OR6N1: variants seen among roughly 807,000 people sequenced by gnomAD.
OR6N1 encodes olfactory receptor family 6 subfamily N member 1.
For missense variants in OR6N1, 394 were observed against 371.7 expected, an observed-to-expected ratio of 1.06 and a Z score of -0.49; for synonymous variants, 170 against 150.7, an observed-to-expected ratio of 1.13 and a Z score of -0.94.
chr1:158,820,557 G>A, the OR6N1 span, among the ~76,000 whole-genome samples: 1 of 152,168 alleles, frequency 6.6e-6, no homozygotes, highest in Non-Finnish European at 1.5e-5. Flanking sequence ...ATTATTGTTA[G>A]CATCATAGTT....
the OR6N1 span, among the ~76,000 whole-genome samples, chr1:158,798,077 A>G: frequency 6.6e-6 from 1 of 152,130 alleles, no homozygotes; most frequent in South Asian, 2.1e-4. Context: ...TTATAACTTT[A>G]AACTTTGATG....
chr1:158,838,353 A>G, the OR6N1 span, among the ~76,000 whole-genome samples: 1 of 152,082 alleles, frequency 6.6e-6, no homozygotes, highest in Admixed American at 6.6e-5. Context: ...TTTCCCAGAT[A>G]TAGCATTTTT....
At chr1:158,767,168 A>G (rs1657297113) in intron 1 of OR6N1, among the ~76,000 whole-genome samples, 1 of 152,078 alleles carries the variant, frequency 6.6e-6, no homozygotes, top group African/African-American at 2.4e-5. Context: ...TTCTTCTTCA[A>G]CTTTCTGGCT....
chr1:158,827,054 G>T, the OR6N1 span, among the ~76,000 whole-genome samples: 13 of 152,286 alleles, frequency 8.5e-5, no homozygotes, highest in East Asian at 2.3e-3. Flanking sequence ...AATAGTTTCA[G>T]CCTCAGGCAA....
chr1:158,778,962 T>C, the OR6N1 span, among the ~76,000 whole-genome samples: 1 of 138,060 alleles, frequency 7.2e-6, no homozygotes, highest in Non-Finnish European at 1.5e-5. Context: ...GAGCTTGCAG[T>C]GAGCCGAGAT....
the OR6N1 span, among the ~76,000 whole-genome samples, chr1:158,801,258 G>A: frequency 6.6e-6 from 1 of 151,842 alleles, no homozygotes; most frequent in Non-Finnish European, 1.5e-5. Context: ...GAGAGAGAGT[G>A]GGTTGGCTCC....
chr1:158,782,698 G>A, the OR6N1 span, among the ~76,000 whole-genome samples: 1 of 152,142 alleles, frequency 6.6e-6, no homozygotes. Context: ...TACTTGTTAA[G>A]GTAGACTAAA....
chr1:158,768,650 A>G (rs1657338788), intron 1 of OR6N1, among the ~76,000 whole-genome samples: 1 of 152,202 alleles, frequency 6.6e-6, no homozygotes, highest in Non-Finnish European at 1.5e-5. Context: ...GTGTTCAGTG[A>G]CATATCATTT....
the OR6N1 span, among the ~76,000 whole-genome samples, chr1:158,817,624 A>G: frequency 6.6e-6 from 1 of 152,340 alleles, no homozygotes; most frequent in East Asian, 1.9e-4. Context: ...AGTGCTGTAC[A>G]GCAATTGTTG....
At chr1:158,801,759 T>C in the OR6N1 span, among the ~76,000 whole-genome samples, 173 of 152,300 alleles carry the variant, frequency 1.1e-3, 1 homozygote, top group Middle Eastern at 0.01. Context: ...GGGTGGTCTA[T>C]ATCAATGTCC....
At chr1:158,789,131 C>T in the OR6N1 span, among the ~76,000 whole-genome samples, 3 of 152,120 alleles carry the variant, frequency 2.0e-5, no homozygotes, top group Non-Finnish European at 1.5e-5. Context: ...TTTCACTTAA[C>T]ACAATTACCT....
At chr1:158,836,694 TTTA>T in the OR6N1 span, among the ~76,000 whole-genome samples, 1 of 151,768 alleles carries the variant, frequency 6.6e-6, no homozygotes, top group Admixed American at 6.6e-5. Context: ...ATTGATTTTC[TTTA>T]TTATTTTTCT....
At chr1:158,832,669 G>T in the OR6N1 span, among the ~76,000 whole-genome samples, 2 of 151,612 alleles carry the variant, frequency 1.3e-5, no homozygotes, top group South Asian at 2.1e-4. Context: ...GTGAAACTAT[G>T]TACTGATACT....
the OR6N1 span, among the ~76,000 whole-genome samples, chr1:158,807,913 A>G: frequency 2.6e-5 from 4 of 151,914 alleles, no homozygotes; most frequent in African/African-American, 4.8e-5. Flanking sequence ...TTCTCTTTAC[A>G]TCTTCCAGCT....
the OR6N1 span, among the ~76,000 whole-genome samples, chr1:158,797,601 A>AT: frequency 1.3e-5 from 2 of 152,068 alleles, no homozygotes; most frequent in African/African-American, 4.8e-5. Context: ...CCTAAGTCAT[A>AT]TTTTTTCTGT....
chr1:158,816,422 T>C, the OR6N1 span, among the ~76,000 whole-genome samples: 9 of 152,136 alleles, frequency 5.9e-5, no homozygotes. Flanking sequence ...CTGGGAGCAG[T>C]GACTTACACC....
the OR6N1 span, among the ~76,000 whole-genome samples, chr1:158,791,733 G>T: frequency 6.6e-6 from 1 of 152,302 alleles, no homozygotes; most frequent in South Asian, 2.1e-4. Flanking sequence ...CTCCCAAAGT[G>T]CTGGGATTAC....
At chr1:158,791,937 A>T in the OR6N1 span, among the ~76,000 whole-genome samples, 1 of 152,074 alleles carries the variant, frequency 6.6e-6, no homozygotes, top group Non-Finnish European at 1.5e-5. Context: ...GTTTAAGTCC[A>T]GTGTTTGTTT....
the OR6N1 span, among the ~76,000 whole-genome samples, chr1:158,808,121 C>CTT: frequency 2.4e-3 from 96 of 39,576 alleles, 6 homozygotes; most frequent in Non-Finnish European, 2.9e-3. Context: ...CAATGACTGC[C>CTT]TTTTTTTTTT....
Sources: allele counts gnomAD v4.1 joint callset (sites outside exome capture counted in the v4.1 genomes callset), GRCh38; gene constraint gnomAD v4.1.1; transcripts MANE v1.5; gene names NCBI Gene and HGNC (gene_info 2026-07-23, HGNC 2026-07-21).